GLG1: variants seen among roughly 807,000 people sequenced by gnomAD.
GLG1 encodes golgi glycoprotein 1.
In GLG1, 38 loss-of-function variants were observed where a neutral mutation model predicts 160.5. The ratio of observed to expected loss-of-function variants is 0.24; its 90% CI spans 0.18 to 0.31. The LOEUF (loss-of-function observed/expected upper bound fraction) is 0.31, where lower values mean the gene tolerates loss of function less well. GLG1 is among the 10% of genes least tolerant of loss of function. GLG1 has a pLI of 1.00. For synonymous variants in GLG1, 644 were observed against 543.4 expected (o/e 1.19, Z -2.57); for missense variants, 1,373 against 1,505.2 (o/e 0.91, Z 1.45).
chr16:74,561,477 A>C (rs1330094026), intron 1 of GLG1, among the ~76,000 whole-genome samples: 1 of 152,210 alleles, frequency 6.6e-6, no homozygotes, highest in Non-Finnish European at 1.5e-5. Context: ...CTTTAGGCTC[A>C]TCTAATTTGG....
intron 1 of GLG1, among the ~76,000 whole-genome samples, chr16:74,542,750 G>GAAGGAAGGAAGGAAGGA (rs1335862487): frequency 4.8e-5 from 1 of 20,940 alleles, no homozygotes; most frequent in Non-Finnish European, 1.2e-4. Flanking sequence ...AGGAAGGAAG[G>GAAGGAAGGAAGGAAGGA]AAGGAAGGAA....
chr16:74,465,573 G>C lies in GLG1; in HGVS notation c.2667+103C>G. 3 of 1,186,946 alleles carry C rather than the reference G, an allele frequency of 2.5e-6. No homozygotes were observed. In the African/African-American group the frequency reaches 4.5e-5, roughly 18 times the overall value. The allele number at this position is 1,186,946 out of a possible 1,614,324, so 73.5% of individuals were successfully genotyped here. A position where few individuals can be genotyped will look rare whatever the true frequency, so the allele number is the denominator to read the frequency against. ...GTGCTGCTGCTGCTGCTCGTCTAGG[G>C]ACCACACTTTGAGAAAGCTGAGCCT... On this transcript the variant is annotated intron_variant, in intron 19 of 25. Transcript: ENST00000422840.
intron 4 of GLG1, among the ~76,000 whole-genome samples, chr16:74,498,665 G>T (rs1228352326): frequency 6.7e-6 from 1 of 148,774 alleles, no homozygotes; most frequent in Non-Finnish European, 1.5e-5. Flanking sequence ...AGGAGTTCGA[G>T]ACCAGCCTGG....
At chr16:74,602,784 C>CAA (rs888379518) in intron 1 of GLG1, among the ~76,000 whole-genome samples, 9 of 116,336 alleles carry the variant, frequency 7.7e-5, no homozygotes, top group Non-Finnish European at 1.3e-4. Context: ...CTCTGTCTCT[C>CAA]AAAAAAAAAA....
intron 1 of GLG1, among the ~76,000 whole-genome samples, chr16:74,533,712 C>G (rs926258061): frequency 6.6e-6 from 1 of 152,116 alleles, no homozygotes; most frequent in African/African-American, 2.4e-5. Context: ...ACCTAGGAAA[C>G]AGAGATTGCA....
rs1480482325 is a variant in GLG1, at chr16:74,522,397, C to G, written c.471+9724G>C. Among the ~76,000 whole-genome samples the G allele has an allele frequency of 2.6e-5, 4 of 152,232 alleles. No individual in the cohort carries two copies. In the East Asian group the frequency reaches 7.7e-4, roughly 29 times the overall value. ...CCGTTGTTCCACATTCACACAGATA[C>G]TCGGTATTGGCACTGTCAAGGTACT... On this transcript the variant is annotated intron_variant, in intron 2 of 25. Coordinates refer to ENST00000422840, the MANE Select transcript of GLG1 (RefSeq NM_001145667.2).
chr16:74,514,504 G>C (rs938618374), intron 2 of GLG1, among the ~76,000 whole-genome samples: 2 of 152,176 alleles, frequency 1.3e-5, no homozygotes, highest in African/African-American at 4.8e-5. Flanking sequence ...TTAAAGAAAA[G>C]AATTTTCAAC....
Position 74,453,038 on chromosome 16 carries a change from A to C in GLG1, c.*129T>G, listed in dbSNP as rs2014388250. The C allele has an allele frequency of 1.3e-6, 2 of 1,482,888 alleles. No individual in the cohort carries two copies. Among genetic ancestry groups the C allele is most frequent in the African/African-American group, 2.8e-5 (2 of 71,384 alleles). The allele number at this position is 1,482,888 out of a possible 1,614,324, so 91.9% of individuals were successfully genotyped here. A position where few individuals can be genotyped will look rare whatever the true frequency, so the allele number is the denominator to read the frequency against. On this transcript the variant is annotated 3_prime_UTR_variant, in exon 26 of 26. Transcript: ENST00000422840. ...GAGGCTGGATGGGACAACGCAGTGGACATCTGCTAATGCTCTAACACGGGG... is the reference window on the plus strand; with the variant it reads ...GAGGCTGGATGGGACAACGCAGTGGCCATCTGCTAATGCTCTAACACGGGG...
rs186976301 is a variant in GLG1, at chr16:74,568,537, C to T, written c.439-36384G>A. 5.3e-5 allele frequency among the ~76,000 whole-genome samples: 8 copies of T among 152,016 alleles called. No homozygotes were observed. The East Asian group carries it at 1.4e-3, about 26-fold the overall frequency. ...GGTTCAAGCGATTCTCCTGCCTCAG[C>T]CTCCTGAGTAGCTGTGATTACAGTT... On this transcript the variant is annotated intron_variant, in intron 1 of 25. Coordinates refer to ENST00000422840, the MANE Select transcript of GLG1 (RefSeq NM_001145667.2).
chr16:74,601,613 A>C (rs917266034), intron 1 of GLG1, among the ~76,000 whole-genome samples: 1 of 152,054 alleles, frequency 6.6e-6, no homozygotes, highest in African/African-American at 2.4e-5. Flanking sequence ...TCTAGTACAA[A>C]TCCTGCTTAA....
At chr16:74,529,721 C>T (rs2017465030) in intron 2 of GLG1, among the ~76,000 whole-genome samples, 1 of 151,766 alleles carries the variant, frequency 6.6e-6, no homozygotes, top group African/African-American at 2.4e-5. Context: ...CTTACATAGA[C>T]CTTCCACCAA....
intron 2 of GLG1, among the ~76,000 whole-genome samples, chr16:74,513,113 A>G (rs1042406098): frequency 6.6e-6 from 1 of 152,128 alleles, no homozygotes; most frequent in Non-Finnish European, 1.5e-5. Flanking sequence ...AAGGTTTTGA[A>G]TTTTATCTTA....
intron 1 of GLG1, among the ~76,000 whole-genome samples, chr16:74,593,266 C>T (rs1226792712): frequency 1.3e-5 from 2 of 152,124 alleles, no homozygotes; most frequent in Admixed American, 1.3e-4. Context: ...GATTAAAATT[C>T]TCCATTACAC....
In GLG1 at chr16:74,452,385, T is replaced by A. The variant is rs554204882; in HGVS notation, c.*782A>T. On this transcript the variant is annotated 3_prime_UTR_variant, in exon 26 of 26. Transcript: ENST00000422840. ...AGCCTCTCAGTGCAGATGGATGGAC[T>A]GTTCAACTTCACAAACTTCCGGTCC... is the stretch of plus-strand genomic sequence containing the variant. 33 of 1,266,060 alleles carry A rather than the reference T, an allele frequency of 2.6e-5. No homozygotes were observed. Among genetic ancestry groups the A allele is most frequent in the Middle Eastern group, 6.4e-4 (2 of 3,132 alleles). The allele number at this position is 1,266,060 out of a possible 1,614,324, so 78.4% of individuals were successfully genotyped here.
At chr16:74,551,470 ATTTTTT>A (rs10570582) in intron 1 of GLG1, among the ~76,000 whole-genome samples, 3 of 128,302 alleles carry the variant, frequency 2.3e-5, no homozygotes, top group Non-Finnish European at 4.8e-5. Flanking sequence ...ATGTCTGGCT[ATTTTTT>A]TTTTTTTTTT....
intron 1 of GLG1, among the ~76,000 whole-genome samples, chr16:74,572,164 G>A (rs1030834116): frequency 1.3e-5 from 2 of 152,150 alleles, no homozygotes; most frequent in Admixed American, 1.3e-4. Flanking sequence ...AGGGGCTGAA[G>A]GTTAAGTTGA....
At chr16:74,499,366 A>T (rs4506928) in intron 4 of GLG1, among the ~76,000 whole-genome samples, 1 of 152,146 alleles carries the variant, frequency 6.6e-6, no homozygotes, top group Non-Finnish European at 1.5e-5. Context: ...TCAGCCTCCC[A>T]AGCAGCTGGG....
At chr16:74,470,773 CTGT>C (rs1038968413) in intron 15 of GLG1, among the ~76,000 whole-genome samples, 9 of 144,304 alleles carry the variant, frequency 6.2e-5, no homozygotes, top group Non-Finnish European at 1.1e-4. Context: ...TTTGTTGTTG[CTGT>C]TGAGATGGAA....
At chr16:74,578,757 T>G (rs761925473) in intron 1 of GLG1, among the ~76,000 whole-genome samples, 1 of 152,206 alleles carries the variant, frequency 6.6e-6, no homozygotes, top group Non-Finnish European at 1.5e-5. Context: ...GATGTAGATA[T>G]ATTGATTCTG....
Sources: allele counts gnomAD v4.1 joint callset (sites outside exome capture counted in the v4.1 genomes callset), GRCh38; gene constraint gnomAD v4.1.1; transcripts MANE v1.5; gene names NCBI Gene and HGNC (gene_info 2026-07-23, HGNC 2026-07-21).